The following PCDHGA6 variants were observed in gnomAD, a reference collection of about 807,000 sequenced individuals.
PCDHGA6 encodes protocadherin gamma-A6.
In PCDHGA6, 41 loss-of-function variants were observed where a neutral mutation model predicts 60.6. That is an observed-to-expected ratio of 0.68 (90% CI 0.53 to 0.88). The LOEUF (loss-of-function observed/expected upper bound fraction) is 0.88. PCDHGA6 is among the 40% of genes least tolerant of loss of function. The pLI is 0.00. For missense variants in PCDHGA6, 1,312 were observed against 1,203.0 expected (o/e 1.09, Z -1.34); for synonymous variants, 594 against 524.4 (o/e 1.13, Z -1.81).
chr5:141,383,766 A>G (rs1265444749), intron 1 of PCDHGA6: 6 of 1,613,894 alleles, frequency 3.7e-6, no homozygotes, highest in Non-Finnish European at 5.1e-6. Context: ...CTAAACTTCC[A>G]AAGATGTTTC....
intron 1 of PCDHGA6, among the ~76,000 whole-genome samples, chr5:141,483,648 TTGTGTGTG>T (rs111458813): frequency 6.7e-6 from 1 of 149,592 alleles, no homozygotes; most frequent in Non-Finnish European, 1.5e-5. Flanking sequence ...GGGTGTGTGT[TTGTGTGTG>T]TGTGTGTGTG....
At chr5:141,403,646 G>A in intron 1 of PCDHGA6, 1 of 1,613,950 alleles carries the variant, frequency 6.2e-7, no homozygotes, top group Non-Finnish European at 8.5e-7. Context: ...CCATGTGACA[G>A]TGTTGGATAC....
intron 1 of PCDHGA6, chr5:141,392,059 C>G (rs2092458843): frequency 6.6e-6 from 1 of 152,098 alleles, no homozygotes; most frequent in Non-Finnish European, 1.5e-5. Flanking sequence ...AAAATATTAT[C>G]GACATGTAAT....
chr5:141,412,343 A>T (rs928223487), intron 1 of PCDHGA6: 2 of 152,166 alleles, frequency 1.3e-5, no homozygotes, highest in African/African-American at 4.8e-5. Context: ...ATATATGTTC[A>T]TTTTAGTTTG....
chr5:141,406,186 C>T (rs1263856724), intron 1 of PCDHGA6, among the ~76,000 whole-genome samples: 2 of 151,978 alleles, frequency 1.3e-5, no homozygotes, highest in South Asian at 2.1e-4. Context: ...AATCCTCCCA[C>T]CTCAGCCTTC....
intron 1 of PCDHGA6, among the ~76,000 whole-genome samples, chr5:141,467,039 A>G (rs1467529268): frequency 2.6e-5 from 4 of 150,960 alleles, no homozygotes; most frequent in Non-Finnish European, 5.9e-5. Context: ...TTTTTTGTGT[A>G]ATGAATCAAT....
chr5:141,408,071 T>C, intron 1 of PCDHGA6: 4 of 1,384,774 alleles, frequency 2.9e-6, no homozygotes, highest in Non-Finnish European at 2.9e-6. Context: ...GCGCAGACCT[T>C]TCCCAGCACA....
chr5:141,375,344 A>G lies in PCDHGA6; in HGVS notation c.1261A>G (p.Thr421Ala), dbSNP rs777877762. 4 of 1,613,836 alleles carry G rather than the reference A, an allele frequency of 2.5e-6. No individual in the cohort carries two copies. The Admixed American group carries it at 6.7e-5, about 27-fold the overall frequency. Reference sequence around the variant, plus strand: ...GGAAGAGGTATTCTTGTACAACATCACTGTGACAGCCACGGACAAAGGAAC... The same window carrying G: ...GGAAGAGGTATTCTTGTACAACATCGCTGTGACAGCCACGGACAAAGGAAC... The part of the protein sequence containing the change: ...DREEVFLYNI[T>A]VTATDKGTPP... The change falls in exon 1 of 4, where the codon ACT (threonine) becomes GCT (alanine). Residue 421 changes from threonine to alanine, a missense_variant. By Grantham distance (58) the Thr-to-Ala change is moderately conservative. Coordinates refer to ENST00000517434, the MANE Select transcript of PCDHGA6 (RefSeq NM_018919.3).
Position 141,376,077 on chromosome 5 carries a change from C to T in PCDHGA6, c.1994C>T (p.Ala665Val), listed in dbSNP as rs373865501. The change falls in exon 1 of 4, where the codon GCC becomes GTC. Residue 665 changes from alanine to valine, a missense_variant. Physicochemically the swap from Ala to Val is moderately conservative, Grantham distance 64. Transcript: ENST00000517434. Reference protein sequence around the residue: ...SATVTLTVAVADRIPDILADL... With the variant: ...SATVTLTVAVVDRIPDILADL... ...ACTGTCACGCTCACCGTGGCCGTGG[C>T]CGACAGGATCCCCGACATCCTGGCC... 1 of 1,613,380 alleles carries T rather than the reference C, an allele frequency of 6.2e-7. No homozygotes were observed. Among genetic ancestry groups the T allele is most frequent in the Non-Finnish European group, 8.5e-7 (1 of 1,179,920 alleles).
rs761938460 is a variant in PCDHGA6 at position 141,393,330 on chromosome 5, AG to A, written c.2424+16824del. On this transcript the variant is annotated intron_variant, in intron 1 of 3. Coordinates refer to ENST00000517434, the MANE Select transcript of PCDHGA6 (RefSeq NM_018919.3). The stretch of plus-strand genomic sequence containing the variant: ...GAACTCCCTCCAGAGCTACCAGCTC[AG>A]CCCCAATCACCACTTCTCCCTGGAC... The A allele has an allele frequency of 3.7e-6, 6 of 1,611,072 alleles. No individual in the cohort carries two copies. In the African/African-American group the frequency reaches 6.8e-5, roughly 18 times the overall value.
intron 1 of PCDHGA6, among the ~76,000 whole-genome samples, chr5:141,433,378 T>C (rs1246585250): frequency 6.6e-5 from 10 of 151,072 alleles, no homozygotes. Context: ...TATCTATCTA[T>C]CTATCTATCT....
intron 1 of PCDHGA6, among the ~76,000 whole-genome samples, chr5:141,457,465 A>G (rs915755113): frequency 1.3e-5 from 2 of 152,194 alleles, no homozygotes; most frequent in African/African-American, 2.4e-5. Context: ...GATTCACAGG[A>G]ATAAGCAGGG....
chr5:141,486,608 G>A lies in PCDHGA6; in HGVS notation c.2425-8199G>A. On this transcript the variant is annotated intron_variant, in intron 1 of 3. Transcript: ENST00000517434. The surrounding 1 kb of genome is among the most constrained non-coding windows in gnomAD (Gnocchi z 5.0). ...AGGGGACCTGCTTTGCTCCCTTGCAGCCTCTGACCCAGACTCTGGCTTGAA... is the reference window on the plus strand; with the variant it reads ...AGGGGACCTGCTTTGCTCCCTTGCAACCTCTGACCCAGACTCTGGCTTGAA... 3 of 1,613,546 alleles carry A rather than the reference G, an allele frequency of 1.9e-6. No homozygotes were observed. The highest frequency in any genetic ancestry group is 2.5e-6 in the Non-Finnish European group (3 of 1,180,024).
intron 1 of PCDHGA6, among the ~76,000 whole-genome samples, chr5:141,386,466 A>G (rs1317226366): frequency 3.9e-5 from 6 of 152,122 alleles, no homozygotes; most frequent in Non-Finnish European, 8.8e-5. Context: ...GCTTGAACCC[A>G]AGAATTGGAG....
At chr5:141,403,196 G>A (rs762413220) in intron 1 of PCDHGA6, 6 of 1,613,986 alleles carry the variant, frequency 3.7e-6, no homozygotes, top group East Asian at 4.5e-5. Flanking sequence ...CCCGCGCAGC[G>A]GCACCTTGGT....
chr5:141,376,975 C>T (rs1216034593), intron 1 of PCDHGA6: 1 of 157,554 alleles, frequency 6.3e-6, no homozygotes, highest in African/African-American at 2.4e-5. Flanking sequence ...GCGTGAGCCA[C>T]CGCGCCCGGC....
At chr5:141,388,835 G>T in intron 1 of PCDHGA6, 1 of 1,613,946 alleles carries the variant, frequency 6.2e-7, no homozygotes, top group South Asian at 1.1e-5. Flanking sequence ...CCATAGTTTT[G>T]GAAGCAAGGG....
In PCDHGA6 at chr5:141,489,335, G is replaced by A. The variant is rs138015049; in HGVS notation, c.2425-5472G>A. The A allele has an allele frequency of 8.2e-5, 132 of 1,607,244 alleles. No individual in the cohort carries two copies. The African/African-American group carries it at 1.5e-3, about 18-fold the overall frequency. On this transcript the variant is annotated intron_variant, in intron 1 of 3. Transcript: ENST00000517434. This position sits in a 1 kb window ranked among gnomAD's most constrained non-coding sequence, Gnocchi z 4.5. ...TGGGGCTGGGTGTCTGGGCAGCTTC[G>A]TTACTCAGTGGTGGAGGAGTCTGAG...
intron 1 of PCDHGA6, chr5:141,385,543 C>G (rs1284826303): frequency 7.6e-7 from 1 of 1,322,422 alleles, no homozygotes; most frequent in Non-Finnish European, 9.7e-7. Context: ...AATATGTGGA[C>G]TATCACATTT....
Sources: gnomAD v4.1 joint callset for allele counts (sites outside exome capture counted in the v4.1 genomes callset) on GRCh38, gnomAD v4.1.1 for gene constraint, Gnocchi (gnomAD v3.1) non-coding constraint, MANE v1.5 for transcripts, NCBI Gene and HGNC (gene_info 2026-07-23, HGNC 2026-07-21) for gene names.